HES2: variants seen among roughly 807,000 people sequenced by gnomAD.
The protein encoded by HES2 is hes family bHLH transcription factor 2.
Under a neutral mutation model 11.9 loss-of-function variants are expected in HES2, and 11 were observed. The observed-to-expected ratio is 0.92, with a 90% CI of 0.58 to 1.53. The LOEUF (loss-of-function observed/expected upper bound fraction) is 1.53, where lower values mean the gene tolerates loss of function less well. HES2 is among the 40% of genes most tolerant of loss of function. HES2 has a pLI of 0.00. For synonymous variants in HES2, 125 were observed against 122.8 expected, an observed-to-expected ratio of 1.02 and a Z score of -0.12; for missense variants, 260 against 253.8, an observed-to-expected ratio of 1.02 and a Z score of -0.16.
In HES2 at chr1:6,419,121, C is replaced by T. The variant is rs1642881379; in HGVS notation, c.274G>A (p.Ala92Thr). 2.2e-5 allele frequency: 33 copies of T among 1,518,386 alleles called. No individual in the cohort carries two copies. The highest frequency in any genetic ancestry group is 2.9e-5 in the Non-Finnish European group (33 of 1,140,638). 94.1% of individuals were successfully genotyped at this position (1,518,386 alleles called of 1,614,324 possible). The change falls in exon 4 of 4, where the codon GCC becomes ACC. Residue 92 changes from alanine to threonine, a missense_variant. Transcript: ENST00000377834. The surrounding 1 kb of genome is among the most constrained non-coding windows in gnomAD (Gnocchi z 8.1). ...PCDSYREGYS[A>T]CVARLARVLP... ...ACGCGGGCCAGGCGCGCCACACAGG[C>T]GCTGTAGCCCTCGCGGTAGCTGTCG...
At position 6,419,514 on chromosome 1, in the gene HES2, A is replaced by C; in HGVS notation, c.141+93T>G. On this transcript the variant is annotated intron_variant, in intron 2 of 3. Transcript: ENST00000377834. The surrounding 1 kb of genome is among the most constrained non-coding windows in gnomAD (Gnocchi z 8.1). Reference sequence around the variant, plus strand: ...GGCTCCGCCTCGGGCGCCGCGCGGAACCCCCTGGTGGGTTCCTCCCGCAGG... The same window carrying C: ...GGCTCCGCCTCGGGCGCCGCGCGGACCCCCCTGGTGGGTTCCTCCCGCAGG... 8.0e-7 allele frequency: 1 copy of C among 1,256,810 alleles called. No individual in the cohort carries two copies. Among genetic ancestry groups the C allele is most frequent in the Non-Finnish European group, 1.1e-6 (1 of 933,380 alleles). The allele number at this position is 1,256,810 out of a possible 1,614,324, so 77.9% of individuals were successfully genotyped here.
rs896794031 is a variant in HES2 at position 6,419,562 on chromosome 1, G to C, written c.141+45C>G. On this transcript the variant is annotated intron_variant, in intron 2 of 3. Transcript: ENST00000377834. This position sits in a 1 kb window ranked among gnomAD's most constrained non-coding sequence, Gnocchi z 8.1. ...AGGAGCACCCCGTCCCCCTGCCCCCGCTCCGCGCCCCAGGACCCTCTGCCC... is the reference window on the plus strand; with the variant it reads ...AGGAGCACCCCGTCCCCCTGCCCCCCCTCCGCGCCCCAGGACCCTCTGCCC... 2.9e-6 allele frequency: 4 copies of C among 1,358,710 alleles called. No homozygotes were observed. The highest frequency in any genetic ancestry group is 1.5e-5 in the African/African-American group (1 of 66,220). 84.2% of individuals were successfully genotyped at this position (1,358,710 alleles called of 1,614,324 possible).
chr1:6,418,981 G>T lies in HES2; in HGVS notation c.414C>A (p.Gly138=). Reference sequence around the variant, plus strand: ...CGGGCGCTGGGGCGGGGGCAGACGGGCCACTGGAATCCCCAGCGCGCCCGC... The same window carrying T: ...CGGGCGCTGGGGCGGGGGCAGACGGTCCACTGGAATCCCCAGCGCGCCCGC... ...LDGGRAGDSS[G]PSAPAPAPAS... The change falls in exon 4 of 4, where the codon GGC becomes GGA. Residue 138 remains glycine, a synonymous_variant. Coordinates refer to ENST00000377834, the MANE Select transcript of HES2 (RefSeq NM_019089.5). The T allele has an allele frequency of 7.3e-7, 1 of 1,361,358 alleles. No individual in the cohort carries two copies. Among genetic ancestry groups the T allele is most frequent in the Non-Finnish European group, 9.4e-7 (1 of 1,067,580 alleles). The allele number at this position is 1,361,358 out of a possible 1,614,324, so 84.3% of individuals were successfully genotyped here.
chr1:6,419,031 T>G lies in HES2; in HGVS notation c.364A>C (p.Arg122=). ...SARLLEHLWR[R]AASATLDGGR... ...CCGTCCAGGGTGGCGCTGGCCGCTC[T>G]CCGCCACAGGTGCTCCAGCAGGCGC... is the stretch of plus-strand genomic sequence containing the variant. Residue 122 remains arginine (R), a synonymous_variant, in exon 4 of 4, where the codon AGA becomes CGA. Transcript: ENST00000377834. This position sits in a 1 kb window ranked among gnomAD's most constrained non-coding sequence, Gnocchi z 8.1. 6.9e-7 allele frequency: 1 copy of G among 1,444,028 alleles called. No individual in the cohort carries two copies. Among genetic ancestry groups the G allele is most frequent in the Non-Finnish European group, 9.0e-7 (1 of 1,108,946 alleles). The allele number at this position is 1,444,028 out of a possible 1,614,324, so 89.5% of individuals were successfully genotyped here. A position where few individuals can be genotyped will look rare whatever the true frequency, so the allele number is the denominator to read the frequency against.
In HES2 at chr1:6,419,200, G is replaced by A. The variant is rs1368322692; in HGVS notation, c.241+41C>T. On this transcript the variant is annotated intron_variant, in intron 3 of 3. Transcript: ENST00000377834. The surrounding 1 kb of genome is among the most constrained non-coding windows in gnomAD (Gnocchi z 8.1). The stretch of plus-strand genomic sequence containing the variant: ...AGGCGCGGGGTAGGGTGCCGGGTGC[G>A]GGGTGCAGAGCGCGCGGCAGGGCAG... The A allele has an allele frequency of 3.8e-6, 6 of 1,591,478 alleles. No homozygotes were observed. Among genetic ancestry groups the A allele is most frequent in the South Asian group, 1.1e-5 (1 of 89,170 alleles).
At position 6,418,442 on chromosome 1, in the gene HES2, CA is replaced by C. The variant is rs1323587686; in HGVS notation, c.*430del. 6.0e-6 allele frequency: 1 copy of C among 165,446 alleles called. No individual in the cohort carries two copies. Among genetic ancestry groups the C allele is most frequent in the Non-Finnish European group, 1.3e-5 (1 of 77,518 alleles). The allele number at this position is 165,446 out of a possible 1,614,324, so 10.2% of individuals were successfully genotyped here. On this transcript the variant is annotated 3_prime_UTR_variant, in exon 4 of 4. Transcript: ENST00000377834. ...AGCAGAGCTGGGCAGGAGGTAGGCCCAGGCAGGGCTGGGAGAGCAGTGACCA... is the reference window on the plus strand; with the variant it reads ...AGCAGAGCTGGGCAGGAGGTAGGCCCGGCAGGGCTGGGAGAGCAGTGACCA...
rs1234328734 is a variant in HES2, at chr1:6,418,870, G to A, written c.*3C>T. The A allele has an allele frequency of 6.1e-6, 8 of 1,305,892 alleles. No homozygotes were observed. The highest frequency in any genetic ancestry group is 3.1e-5 in the East Asian group (1 of 32,194). 80.9% of individuals were successfully genotyped at this position (1,305,892 alleles called of 1,614,324 possible). A position where few individuals can be genotyped will look rare whatever the true frequency, so the allele number is the denominator to read the frequency against. On this transcript the variant is annotated 3_prime_UTR_variant, in exon 4 of 4. Transcript: ENST00000377834. Reference sequence around the variant, plus strand: ...CGGCAGGGTCTGTGGATCGGCCGAGGGGCTACCACGGCCGCCAGAGGCCAG... The same window carrying A: ...CGGCAGGGTCTGTGGATCGGCCGAGAGGCTACCACGGCCGCCAGAGGCCAG...
chr1:6,419,678 G>T lies in HES2; in HGVS notation c.70C>A (p.Arg24Ser). ...RKSLKPLLEK[R>S]RRARINQSLS... ...CTCTGGTTGATGCGCGCGCGCCGGCGCTTCTCCAGCAGCGGCTTCAGGCTC... is the reference window on the plus strand; with the variant it reads ...CTCTGGTTGATGCGCGCGCGCCGGCTCTTCTCCAGCAGCGGCTTCAGGCTC... The change falls in exon 2 of 4, where the codon CGC (arginine) becomes AGC (serine). Residue 24 changes from arginine (R) to serine (S), a missense_variant. Arg to Ser is a moderately radical substitution (Grantham distance 110, BLOSUM62 -1). Transcript: ENST00000377834. The surrounding 1 kb of genome is among the most constrained non-coding windows in gnomAD (Gnocchi z 8.1). The T allele has an allele frequency of 1.3e-6, 2 of 1,556,122 alleles. No individual in the cohort carries two copies. Among genetic ancestry groups the T allele is most frequent in the African/African-American group, 1.4e-5 (1 of 73,096 alleles).
chr1:6,419,162 G>C lies in HES2; in HGVS notation c.242-9C>G, dbSNP rs570269369. The C allele has an allele frequency of 8.4e-6, 13 of 1,552,202 alleles. No homozygotes were observed. The South Asian group carries it at 1.5e-4, about 18-fold the overall frequency. On this transcript the variant is annotated splice_polypyrimidine_tract_variant and intron_variant, in intron 3 of 3. Coordinates refer to ENST00000377834, the MANE Select transcript of HES2 (RefSeq NM_019089.5). This position sits in a 1 kb window ranked among gnomAD's most constrained non-coding sequence, Gnocchi z 8.1. ...GTAGCTGTCGCAAGGCACTGCGGGC[G>C]GAGAGCCGCGTGAGGCGCGGGGTAG...
Position 6,418,950 on chromosome 1 carries a change from C to T in HES2, c.445G>A (p.Ala149Thr). The change falls in exon 4 of 4, where the codon GCC becomes ACC. Residue 149 changes from alanine (A) to threonine (T), a missense_variant. Transcript: ENST00000377834. Reference sequence around the variant, plus strand: ...ACCGGAGCGGATGCGGGCTCTGGGGCAGACGCGGGCGCTGGGGCGGGGGCA... The same window carrying T: ...ACCGGAGCGGATGCGGGCTCTGGGGTAGACGCGGGCGCTGGGGCGGGGGCA... ...PSAPAPAPAS[A>T]PEPASAPVPS... The T allele has an allele frequency of 1.5e-6, 2 of 1,339,306 alleles. No individual in the cohort carries two copies. The highest frequency in any genetic ancestry group is 1.9e-6 in the Non-Finnish European group (2 of 1,054,544). 83.0% of individuals were successfully genotyped at this position (1,339,306 alleles called of 1,614,324 possible). A position where few individuals can be genotyped will look rare whatever the true frequency, so the allele number is the denominator to read the frequency against.
Position 6,419,361 on chromosome 1 carries a change from G to A in HES2, c.142-21C>T, listed in dbSNP as rs764014411. 6.3e-7 allele frequency: 1 copy of A among 1,587,134 alleles called. No homozygotes were observed. The highest frequency in any genetic ancestry group is 8.6e-7 in the Non-Finnish European group (1 of 1,162,014). On this transcript the variant is annotated intron_variant, in intron 2 of 3. Coordinates refer to ENST00000377834, the MANE Select transcript of HES2 (RefSeq NM_019089.5). This position sits in a 1 kb window ranked among gnomAD's most constrained non-coding sequence, Gnocchi z 8.1. Reference sequence around the variant, plus strand: ...GAGTTCTGCGCCCGGCCACGAGGAAGAGCGACAGAGAACCACCAAGACAGA... The same window carrying A: ...GAGTTCTGCGCCCGGCCACGAGGAAAAGCGACAGAGAACCACCAAGACAGA...
In HES2 at chr1:6,417,905, T is replaced by C. The variant is rs1049169474; in HGVS notation, c.*968A>G. 4 of 152,232 alleles carry C rather than the reference T, an allele frequency of 2.6e-5. No homozygotes were observed. The highest frequency in any genetic ancestry group is 4.8e-5 in the African/African-American group (2 of 41,446). 9.4% of individuals were successfully genotyped at this position (152,232 alleles called of 1,614,324 possible). A position where few individuals can be genotyped will look rare whatever the true frequency, so the allele number is the denominator to read the frequency against. The stretch of plus-strand genomic sequence containing the variant: ...GCCCAGAAAGAAAAATCTTAACAAG[T>C]TGCTTCCAGTAACCAGTCTCAATGA... On this transcript the variant is annotated 3_prime_UTR_variant, in exon 4 of 4. Coordinates refer to ENST00000377834, the MANE Select transcript of HES2 (RefSeq NM_019089.5).
chr1:6,419,780 C>A lies in HES2; in HGVS notation c.41G>T (p.Arg14Leu). The A allele has an allele frequency of 1.3e-6, 2 of 1,563,358 alleles. No homozygotes were observed. The highest frequency in any genetic ancestry group is 1.8e-5 in the Admixed American group (1 of 55,066). Residue 14 changes from arginine (R) to leucine (L), a missense_variant, in exon 1 of 4, where the codon CGC becomes CTC. By Grantham distance (102) the Arg-to-Leu change is moderately radical (BLOSUM62 -2). Coordinates refer to ENST00000377834, the MANE Select transcript of HES2 (RefSeq NM_019089.5). This position sits in a 1 kb window ranked among gnomAD's most constrained non-coding sequence, Gnocchi z 8.1. ...PRRAGDAAEL[R>L]KSLKPLLEKR... Reference sequence around the variant, plus strand: ...CCCCCAGTCCCCGGTACCCACCTTGCGCAGCTCCGCCGCGTCCCCTGCCCG... The same window carrying A: ...CCCCCAGTCCCCGGTACCCACCTTGAGCAGCTCCGCCGCGTCCCCTGCCCG...
rs1435301826 is a variant in HES2 at position 6,419,230 on chromosome 1, G to T, written c.241+11C>A. On this transcript the variant is annotated intron_variant, in intron 3 of 3. Coordinates refer to ENST00000377834, the MANE Select transcript of HES2 (RefSeq NM_019089.5). This position sits in a 1 kb window ranked among gnomAD's most constrained non-coding sequence, Gnocchi z 8.1. ...GCAGAGCGCGCGGCAGGGCAGGGAG[G>T]GCTCACTCACGGGGCGCTGCCGTGG... 1.2e-6 allele frequency: 2 copies of T among 1,605,624 alleles called. No individual in the cohort carries two copies. Among genetic ancestry groups the T allele is most frequent in the Non-Finnish European group, 8.5e-7 (1 of 1,177,906 alleles).
rs1337793250 is a variant in HES2 at position 6,415,981 on chromosome 1, T to A, written c.*2892A>T. 1 of 152,272 alleles carries A rather than the reference T, an allele frequency of 6.6e-6. No individual in the cohort carries two copies. The highest frequency in any genetic ancestry group is 6.5e-5 in the Admixed American group (1 of 15,278). 9.4% of individuals were successfully genotyped at this position (152,272 alleles called of 1,614,324 possible). On this transcript the variant is annotated 3_prime_UTR_variant, in exon 4 of 4. Transcript: ENST00000377834. ...TTTGTAGAGACGGGGTTTCACCATG[T>A]TGGTCAGGCTGGTCTTGAACTCCTG...
In HES2 at chr1:6,417,437, T is replaced by A. The variant is rs998943290; in HGVS notation, c.*1436A>T. The stretch of plus-strand genomic sequence containing the variant: ...AAATGCTTAGCCATGAAATGACGGG[T>A]GTTTGCCTGACTATGATTTCATGAA... On this transcript the variant is annotated 3_prime_UTR_variant, in exon 4 of 4. Coordinates refer to ENST00000377834, the MANE Select transcript of HES2 (RefSeq NM_019089.5). 2 of 151,074 alleles carry A rather than the reference T, an allele frequency of 1.3e-5. No homozygotes were observed. The highest frequency in any genetic ancestry group is 4.9e-5 in the African/African-American group (2 of 40,732). The allele number at this position is 151,074 out of a possible 1,614,324, so 9.4% of individuals were successfully genotyped here.
rs1642833757 is a variant in HES2 at position 6,415,290 on chromosome 1, A to C, written c.*3583T>G. 1 of 151,716 alleles carries C rather than the reference A, an allele frequency of 6.6e-6. No individual in the cohort carries two copies. Among genetic ancestry groups the C allele is most frequent in the Admixed American group, 6.6e-5 (1 of 15,234 alleles). The allele number at this position is 151,716 out of a possible 1,614,324, so 9.4% of individuals were successfully genotyped here. A position where few individuals can be genotyped will look rare whatever the true frequency, so the allele number is the denominator to read the frequency against. On this transcript the variant is annotated 3_prime_UTR_variant, in exon 4 of 4. Coordinates refer to ENST00000377834, the MANE Select transcript of HES2 (RefSeq NM_019089.5). ...TATTGCCTTTTTTTTTTTTTAAACA[A>C]ATTGAAGGTTCGGGGTAACTCCAGA... is the stretch of plus-strand genomic sequence containing the variant.
Position 6,418,906 on chromosome 1 carries a change from AGGCGAGGGC to A in HES2, c.480_488del (p.Ser162_Pro164del), listed in dbSNP as rs1272687788. On this transcript the variant is annotated inframe_deletion, in exon 4 of 4. Transcript: ENST00000377834. ...GCCGCCAGAGGCCAGGGCCGCAGGG[AGGCGAGGGC>A]GGCGAGGGCACCGGAGCGGATGCGG... 4.6e-5 allele frequency: 61 copies of A among 1,314,914 alleles called. No homozygotes were observed. Among genetic ancestry groups the A allele is most frequent in the Non-Finnish European group, 5.8e-5 (60 of 1,039,940 alleles). 81.5% of individuals were successfully genotyped at this position (1,314,914 alleles called of 1,614,324 possible). A position where few individuals can be genotyped will look rare whatever the true frequency, so the allele number is the denominator to read the frequency against.
In HES2 at chr1:6,418,945, T is replaced by C; in HGVS notation, c.450A>G (p.Pro150=). ...SAPAPAPASA[P]EPASAPVPSP... ...AGGGCACCGGAGCGGATGCGGGCTC[T>C]GGGGCAGACGCGGGCGCTGGGGCGG... The change falls in exon 4 of 4, where the codon CCA becomes CCG. Residue 150 remains proline, a synonymous_variant. Transcript: ENST00000377834. 1 of 1,336,038 alleles carries C rather than the reference T, an allele frequency of 7.5e-7. No individual in the cohort carries two copies. Among genetic ancestry groups the C allele is most frequent in the Non-Finnish European group, 9.5e-7 (1 of 1,052,726 alleles). 82.8% of individuals were successfully genotyped at this position (1,336,038 alleles called of 1,614,324 possible).
Sources: gnomAD v4.1 joint callset for allele counts on GRCh38, gnomAD v4.1.1 for gene constraint, Gnocchi (gnomAD v3.1) non-coding constraint, MANE v1.5 for transcripts, NCBI Gene and HGNC (gene_info 2026-07-23, HGNC 2026-07-21) for gene names.